Variants in MYO6 observed in about 807,000 individuals in gnomAD.
MYO6 encodes myosin VI.
A neutral mutation model predicts 178.7 loss-of-function variants in MYO6; 74 were observed. The ratio of observed to expected loss-of-function variants is 0.41; its 90% CI spans 0.34 to 0.50. The LOEUF is 0.50. Ranked by LOEUF, MYO6 falls within the 20% of genes least tolerant of loss-of-function variation. MYO6 has a pLI of 0.09. For missense variants in MYO6, 1,330 were observed against 1,547.4 expected, an observed-to-expected ratio of 0.86 and a Z score of 2.36; for synonymous variants, 477 against 504.6, an observed-to-expected ratio of 0.95 and a Z score of 0.73.
In MYO6 at chr6:75,918,063, C is replaced by G. The variant is rs1347295965; in HGVS notation, c.*3051C>G. On this transcript the variant is annotated 3_prime_UTR_variant, in exon 35 of 35. Transcript: ENST00000369977. ...TGTAGACTGAAAAATATATCAAAGCCTTTGCTGCAATCATATGTAACAAAA... is the reference window on the plus strand; with the variant it reads ...TGTAGACTGAAAAATATATCAAAGCGTTTGCTGCAATCATATGTAACAAAA... 6.6e-6 allele frequency: 1 copy of G among 152,152 alleles called. No individual in the cohort carries two copies. The highest frequency in any genetic ancestry group is 2.4e-5 in the African/African-American group (1 of 41,416). 9.4% of individuals were successfully genotyped at this position (152,152 alleles called of 1,614,324 possible). A position where few individuals can be genotyped will look rare whatever the true frequency, so the allele number is the denominator to read the frequency against.
At chr6:75,779,441 G>A (rs1422666264) in intron 1 of MYO6, among the ~76,000 whole-genome samples, 1 of 152,016 alleles carries the variant, frequency 6.6e-6, no homozygotes, top group East Asian at 1.9e-4. Context: ...GGTGGAAGTT[G>A]TAGTGAGCCA....
chr6:75,749,505 C>A (rs567929454), intron 1 of MYO6, 82 bp downstream of exon 1: 2 of 152,358 alleles, frequency 1.3e-5, no homozygotes, highest in South Asian at 4.1e-4. Context: ...CGGGCCTCCT[C>A]GAGCAGCTCC....
At chr6:75,814,689 C>T (rs1283091462) in intron 1 of MYO6, among the ~76,000 whole-genome samples, 1 of 151,836 alleles carries the variant, frequency 6.6e-6, no homozygotes, top group African/African-American at 2.4e-5. Flanking sequence ...CAGTGAGACC[C>T]TGTATATAAA....
intron 29 of MYO6, 88 bp downstream of exon 29, chr6:75,895,348 T>G: frequency 9.2e-7 from 1 of 1,086,224 alleles, no homozygotes; most frequent in Non-Finnish European, 1.4e-6. Flanking sequence ...TTAAATTATT[T>G]TCTTCTATTG....
At chr6:75,763,130 G>A (rs1049497251) in intron 1 of MYO6, among the ~76,000 whole-genome samples, 2 of 151,624 alleles carry the variant, frequency 1.3e-5, no homozygotes, top group Non-Finnish European at 1.5e-5. Context: ...GAGATCAAGC[G>A]ATTCTCCTGC....
intron 1 of MYO6, among the ~76,000 whole-genome samples, chr6:75,772,519 CAAAA>C (rs989224332): frequency 1.3e-5 from 2 of 152,032 alleles, no homozygotes; most frequent in African/African-American, 4.8e-5. Flanking sequence ...ACCTTACTGA[CAAAA>C]AGAAATAGTG....
chr6:75,790,440 C>T (rs1374703645), intron 1 of MYO6, among the ~76,000 whole-genome samples: 3 of 150,930 alleles, frequency 2.0e-5, no homozygotes, highest in East Asian at 1.9e-4. Flanking sequence ...TGCAGTGGCA[C>T]GATCTCGGCT....
At chr6:75,856,382 A>C (rs540990362) in intron 12 of MYO6, among the ~76,000 whole-genome samples, 3 of 152,254 alleles carry the variant, frequency 2.0e-5, no homozygotes, top group African/African-American at 7.2e-5. Flanking sequence ...AAAGGGTTCC[A>C]TTGCAGAAAA....
intron 3 of MYO6, among the ~76,000 whole-genome samples, 183 bp downstream of exon 3, chr6:75,823,034 G>A (rs1051134074): frequency 1.3e-5 from 2 of 152,166 alleles, no homozygotes; most frequent in Non-Finnish European, 2.9e-5. Flanking sequence ...TTTGCATTTT[G>A]GTGAAAGAGT....
intron 18 of MYO6, among the ~76,000 whole-genome samples, chr6:75,868,434 T>C (rs2149316280): frequency 6.6e-6 from 1 of 152,232 alleles, no homozygotes; most frequent in South Asian, 2.1e-4. Context: ...ATTATTGTAG[T>C]ATTGCTGATA....
At chr6:75,765,408 C>T (rs1018429935) in intron 1 of MYO6, among the ~76,000 whole-genome samples, 5 of 151,890 alleles carry the variant, frequency 3.3e-5, no homozygotes, top group Non-Finnish European at 5.9e-5. Context: ...AATTCCTGAC[C>T]TCAAGTGATC....
intron 18 of MYO6, among the ~76,000 whole-genome samples, chr6:75,868,966 A>G (rs1192038974): frequency 6.6e-6 from 1 of 151,824 alleles, no homozygotes; most frequent in Admixed American, 6.6e-5. Flanking sequence ...TTTTACTCTT[A>G]AGCCTTATGG....
At chr6:75,816,854 A>G (rs968105490) in intron 1 of MYO6, among the ~76,000 whole-genome samples, 2 of 152,194 alleles carry the variant, frequency 1.3e-5, no homozygotes, top group East Asian at 1.9e-4. Flanking sequence ...AGCAAAAAGG[A>G]GTGCTGGTAT....
intron 1 of MYO6, among the ~76,000 whole-genome samples, chr6:75,774,839 C>G (rs1766222757): frequency 6.6e-6 from 1 of 151,802 alleles, no homozygotes; most frequent in East Asian, 1.9e-4. Flanking sequence ...GTCACCCAGG[C>G]TGGAGTGCAA....
At chr6:75,902,764 C>G (rs1193374969) in intron 30 of MYO6, among the ~76,000 whole-genome samples, 2 of 150,394 alleles carry the variant, frequency 1.3e-5, no homozygotes, top group African/African-American at 4.9e-5. Context: ...TTGCCTTCTG[C>G]TAGCTTTTGA....
At chr6:75,833,726 T>C (rs954930559) in intron 6 of MYO6, among the ~76,000 whole-genome samples, 1 of 152,128 alleles carries the variant, frequency 6.6e-6, no homozygotes, top group Non-Finnish European at 1.5e-5. Flanking sequence ...CTGTGGTACA[T>C]TTTGTTTATC....
In MYO6 at chr6:75,861,128, A is replaced by G. The variant is rs367564794; in HGVS notation, c.1546+33A>G. On this transcript the variant is annotated intron_variant, in intron 15 of 34. Transcript: ENST00000369977. ...TTTTTTAACTCCACCTTTGAAAAATATAGGAAGATGTAGTGAATGTGTTTA... is the reference window on the plus strand; with the variant it reads ...TTTTTTAACTCCACCTTTGAAAAATGTAGGAAGATGTAGTGAATGTGTTTA... 1.1e-4 allele frequency: 163 copies of G among 1,484,376 alleles called. 2 individuals carry two copies. Among genetic ancestry groups the G allele is most frequent in the Non-Finnish European group, 1.5e-4 (155 of 1,062,570 alleles). The allele number at this position is 1,484,376 out of a possible 1,614,324, so 92.0% of individuals were successfully genotyped here.
intron 1 of MYO6, among the ~76,000 whole-genome samples, chr6:75,786,770 A>G (rs1562156206): frequency 6.6e-6 from 1 of 152,152 alleles, no homozygotes; most frequent in Non-Finnish European, 1.5e-5. Context: ...ACATATACAC[A>G]CGTCTTGCAC....
chr6:75,829,210 A>G (rs1438699369), intron 4 of MYO6, among the ~76,000 whole-genome samples: 1 of 152,176 alleles, frequency 6.6e-6, no homozygotes, highest in Non-Finnish European at 1.5e-5. Flanking sequence ...AAATGCTTTC[A>G]GTGTAAATAG....
Sources: allele counts gnomAD v4.1 joint callset (sites outside exome capture counted in the v4.1 genomes callset), GRCh38; gene constraint gnomAD v4.1.1; transcripts MANE v1.5; gene names NCBI Gene and HGNC (gene_info 2026-07-23, HGNC 2026-07-21).